Variants in GRIK3 observed in about 807,000 individuals in gnomAD.
GRIK3 encodes glutamate ionotropic receptor kainate type subunit 3, also known as glutamate receptor ionotropic, kainate 3.
GRIK3 carries 29 observed loss-of-function variants against 102.5 expected under a neutral mutation model. That is an observed-to-expected ratio of 0.28 (90% CI 0.21 to 0.39). The LOEUF (loss-of-function observed/expected upper bound fraction) is 0.39. Ranked by LOEUF, GRIK3 falls within the 10% of genes least tolerant of loss-of-function variation. The pLI is 1.00. For missense variants in GRIK3, 908 were observed against 1,252.4 expected (o/e 0.73, Z 4.15); for synonymous variants, 511 against 504.9 (o/e 1.01, Z -0.16).
rs996429474 is a variant in GRIK3 at position 36,819,917 on chromosome 1, A to C, written c.1755-63T>G. ...AAGGGGCATCCACGCCCCAGCAGGCAGTGGTTTAGCAAACACAGCTGTGCC... is the reference window on the plus strand; with the variant it reads ...AAGGGGCATCCACGCCCCAGCAGGCCGTGGTTTAGCAAACACAGCTGTGCC... On this transcript the variant is annotated intron_variant, in intron 11 of 15. Coordinates refer to ENST00000373091, the MANE Select transcript of GRIK3 (RefSeq NM_000831.4). This position sits in a 1 kb window ranked among gnomAD's most constrained non-coding sequence, Gnocchi z 4.1. 2 of 841,490 alleles carry C rather than the reference A, an allele frequency of 2.4e-6. No homozygotes were observed. Among genetic ancestry groups the C allele is most frequent in the African/African-American group, 1.7e-5 (1 of 59,976 alleles). The allele number at this position is 841,490 out of a possible 1,614,324, so 52.1% of individuals were successfully genotyped here. A position where few individuals can be genotyped will look rare whatever the true frequency, so the allele number is the denominator to read the frequency against.
At chr1:36,977,233 G>C (rs139200236) in intron 1 of GRIK3, among the ~76,000 whole-genome samples, 229 of 152,312 alleles carry the variant, frequency 1.5e-3, no homozygotes, top group African/African-American at 4.4e-3. Context: ...AATCCTTATA[G>C]GGTAACAAAT....
intron 1 of GRIK3, among the ~76,000 whole-genome samples, chr1:36,943,534 G>A (rs77070078): frequency 0.011 from 1,669 of 152,314 alleles, 33 homozygotes; most frequent in African/African-American, 0.038. Flanking sequence ...GACCCTGAGA[G>A]CAATGTCTCC....
chr1:36,945,421 T>C (rs536138926), intron 1 of GRIK3, among the ~76,000 whole-genome samples: 1 of 152,312 alleles, frequency 6.6e-6, no homozygotes, highest in Non-Finnish European at 1.5e-5. Context: ...CTCAGGCCTC[T>C]GGGTTTCGGC....
In GRIK3 at chr1:36,798,636, G is replaced by C. The variant is rs570019458; in HGVS notation, c.*3215C>G. 8.5e-5 allele frequency: 13 copies of C among 152,376 alleles called. No homozygotes were observed. Among genetic ancestry groups the C allele is most frequent in the African/African-American group, 3.1e-4 (13 of 41,580 alleles). 9.4% of individuals were successfully genotyped at this position (152,376 alleles called of 1,614,324 possible). On this transcript the variant is annotated 3_prime_UTR_variant, in exon 16 of 16. Coordinates refer to ENST00000373091, the MANE Select transcript of GRIK3 (RefSeq NM_000831.4). ...GCATCATTTTCAGTGCCCCGGGAGA[G>C]ACAGAGCTCATGCTTGGGCAGCTGT...
intron 1 of GRIK3, among the ~76,000 whole-genome samples, chr1:37,004,463 G>A (rs572613730): frequency 6.6e-6 from 1 of 152,194 alleles, no homozygotes; most frequent in Admixed American, 6.5e-5. Flanking sequence ...GAGGGCAGTG[G>A]GGGTCTGGGG....
chr1:36,937,816 T>C (rs913952604), intron 1 of GRIK3, among the ~76,000 whole-genome samples: 1 of 152,238 alleles, frequency 6.6e-6, no homozygotes, highest in African/African-American at 2.4e-5. Flanking sequence ...CATCCATGAA[T>C]TAAGCCAGTT....
chr1:37,014,045 C>T (rs1470508506), intron 1 of GRIK3, among the ~76,000 whole-genome samples: 3 of 152,252 alleles, frequency 2.0e-5, no homozygotes, highest in Admixed American at 6.5e-5. Context: ...GCCTGGAGTG[C>T]TCCTGCATTC....
At chr1:36,987,868 T>C (rs1642322476) in intron 1 of GRIK3, among the ~76,000 whole-genome samples, 1 of 152,108 alleles carries the variant, frequency 6.6e-6, no homozygotes, top group African/African-American at 2.4e-5. Context: ...GACCCAACTT[T>C]GCACAATGAT....
rs770525239 is a variant in GRIK3 at position 36,819,851 on chromosome 1, G to A, written c.1758C>T (p.Phe586=). Residue 586 remains phenylalanine (F), a synonymous_variant, in exon 12 of 16, where the codon TTC becomes TTT. Coordinates refer to ENST00000373091, the MANE Select transcript of GRIK3 (RefSeq NM_000831.4). This position sits in a 1 kb window ranked among gnomAD's most constrained non-coding sequence, Gnocchi z 4.1. Reference sequence around the variant, plus strand: ...GAGCATCGTACCACTCATAAGGGCTGAACCTGCCACAGGAGGAGAGGGACA... The same window carrying A: ...GAGCATCGTACCACTCATAAGGGCTAAACCTGCCACAGGAGGAGAGGGACA... ...VSCVLFVIAR[F]SPYEWYDAHP... 1 of 1,521,598 alleles carries A rather than the reference G, an allele frequency of 6.6e-7. No homozygotes were observed. The highest frequency in any genetic ancestry group is 1.4e-5 in the African/African-American group (1 of 73,246). The allele number at this position is 1,521,598 out of a possible 1,614,324, so 94.3% of individuals were successfully genotyped here. A position where few individuals can be genotyped will look rare whatever the true frequency, so the allele number is the denominator to read the frequency against.
chr1:36,798,919 C>T lies in GRIK3; in HGVS notation c.*2932G>A, dbSNP rs572754956. Reference sequence around the variant, plus strand: ...TTGTTCGTTTTATAAAAATTCTCACCACTTCTTCTTCCTCCTGTCACAATC... The same window carrying T: ...TTGTTCGTTTTATAAAAATTCTCACTACTTCTTCTTCCTCCTGTCACAATC... On this transcript the variant is annotated 3_prime_UTR_variant, in exon 16 of 16. Coordinates refer to ENST00000373091, the MANE Select transcript of GRIK3 (RefSeq NM_000831.4). 1 of 152,272 alleles carries T rather than the reference C, an allele frequency of 6.6e-6. No individual in the cohort carries two copies. Among genetic ancestry groups the T allele is most frequent in the East Asian group, 1.9e-4 (1 of 5,184 alleles). The allele number at this position is 152,272 out of a possible 1,614,324, so 9.4% of individuals were successfully genotyped here. A position where few individuals can be genotyped will look rare whatever the true frequency, so the allele number is the denominator to read the frequency against.
At chr1:36,813,481 C>G (rs1642585609) in intron 13 of GRIK3, among the ~76,000 whole-genome samples, 1 of 152,144 alleles carries the variant, frequency 6.6e-6, no homozygotes, top group African/African-American at 2.4e-5. Flanking sequence ...GGAGAAGACC[C>G]TAGAGTGGAT....
intron 1 of GRIK3, among the ~76,000 whole-genome samples, chr1:36,927,776 C>G (rs1249558906): frequency 6.6e-6 from 1 of 152,184 alleles, no homozygotes; most frequent in African/African-American, 2.4e-5. Flanking sequence ...TAGATTTCAA[C>G]AGGTTCCGAG....
At chr1:36,809,119 C>T (rs1173991431) in intron 13 of GRIK3, among the ~76,000 whole-genome samples, 1 of 151,986 alleles carries the variant, frequency 6.6e-6, no homozygotes, top group East Asian at 1.9e-4. Flanking sequence ...AATGCATCTG[C>T]CCATCTAATC....
At chr1:36,807,560 G>C (rs1427462737) in intron 13 of GRIK3, among the ~76,000 whole-genome samples, 2 of 152,166 alleles carry the variant, frequency 1.3e-5, no homozygotes, top group African/African-American at 2.4e-5. Flanking sequence ...CATGGGCAGG[G>C]GGATGGGGAA....
chr1:37,020,853 G>A lies in GRIK3; in HGVS notation c.115+13141C>T, dbSNP rs193126447. 2.6e-5 allele frequency among the ~76,000 whole-genome samples: 4 copies of A among 152,248 alleles called. No homozygotes were observed. In the East Asian group the frequency reaches 5.8e-4, roughly 22 times the overall value. On this transcript the variant is annotated intron_variant, in intron 1 of 15. Coordinates refer to ENST00000373091, the MANE Select transcript of GRIK3 (RefSeq NM_000831.4). ...GCAGATGGCGCCACCGGCTACCCCC[G>A]GCCCTGGCTGCTCTCCGTGGTGCTG...
chr1:36,904,120 T>C (rs1370811815), intron 1 of GRIK3, among the ~76,000 whole-genome samples: 1 of 152,182 alleles, frequency 6.6e-6, no homozygotes, highest in African/African-American at 2.4e-5. Flanking sequence ...TGCTGTGAAC[T>C]TAAAACTGCT....
intron 1 of GRIK3, among the ~76,000 whole-genome samples, chr1:36,896,935 C>T (rs1464228891): frequency 6.6e-6 from 1 of 152,084 alleles, no homozygotes; most frequent in Non-Finnish European, 1.5e-5. Context: ...CAGCATTTGA[C>T]AAAATTCAAC....
chr1:36,966,392 A>T (rs1005769529), intron 1 of GRIK3, among the ~76,000 whole-genome samples: 1 of 152,220 alleles, frequency 6.6e-6, no homozygotes, highest in Admixed American at 6.5e-5. Context: ...TCATCAGAGC[A>T]GTCAAGCTTG....
At chr1:36,975,642 G>C (rs892488647) in intron 1 of GRIK3, among the ~76,000 whole-genome samples, 2 of 152,176 alleles carry the variant, frequency 1.3e-5, no homozygotes, top group African/African-American at 4.8e-5. Flanking sequence ...CATGGAGATC[G>C]GTATGCTGCT....
Sources: gnomAD v4.1 joint callset for allele counts (sites outside exome capture counted in the v4.1 genomes callset) on GRCh38, gnomAD v4.1.1 for gene constraint, Gnocchi (gnomAD v3.1) non-coding constraint, MANE v1.5 for transcripts, NCBI Gene and HGNC (gene_info 2026-07-23, HGNC 2026-07-21) for gene names.